Variants in MTHFD1L observed in about 807,000 individuals in gnomAD.
MTHFD1L encodes the protein monofunctional C1-tetrahydrofolate synthase, mitochondrial.
A neutral mutation model predicts 119.5 loss-of-function variants in MTHFD1L; 81 were observed. The observed-to-expected ratio is 0.68, with a 90% CI of 0.57 to 0.82. The LOEUF is 0.82. Among genes scored for constraint, MTHFD1L ranks in the 40% least tolerant of loss-of-function variants. The probability of loss-of-function intolerance (pLI) is 0.00; values close to 1 mark genes in which losing one functional copy is unlikely to be tolerated. For synonymous variants in MTHFD1L, 430 were observed against 475.2 expected, an observed-to-expected ratio of 0.90 and a Z score of 1.24; for missense variants, 1,125 against 1,253.4, an observed-to-expected ratio of 0.90 and a Z score of 1.55.
intron 20 of MTHFD1L, among the ~76,000 whole-genome samples, chr6:150,990,608 C>G (rs999452479): frequency 2.7e-5 from 4 of 150,778 alleles, no homozygotes; most frequent in Non-Finnish European, 1.5e-5. Context: ...TACAGGCATG[C>G]GCCACCATGC....
intron 24 of MTHFD1L, among the ~76,000 whole-genome samples, chr6:151,021,140 C>G (rs954200361): frequency 6.6e-6 from 1 of 152,206 alleles, no homozygotes; most frequent in African/African-American, 2.4e-5. Context: ...TGACTAATCT[C>G]TCGAGCCTCA....
intron 20 of MTHFD1L, among the ~76,000 whole-genome samples, chr6:150,980,626 C>T (rs1777330821): frequency 6.7e-6 from 1 of 149,922 alleles, no homozygotes; most frequent in African/African-American, 2.5e-5. Flanking sequence ...GCCTATAGTC[C>T]TAGCTACTTG....
intron 26 of MTHFD1L, among the ~76,000 whole-genome samples, chr6:151,075,174 A>T (rs1215668486): frequency 2.0e-5 from 3 of 152,232 alleles, no homozygotes; most frequent in Non-Finnish European, 4.4e-5. Context: ...CACACTAGAT[A>T]TAAATGTCCT....
chr6:151,029,135 T>C (rs1037596549), intron 24 of MTHFD1L, among the ~76,000 whole-genome samples: 2 of 150,580 alleles, frequency 1.3e-5, no homozygotes, highest in Non-Finnish European at 3.0e-5. Context: ...AAATATATAT[T>C]TTAGGCCAGA....
At chr6:150,966,086 T>G (rs4869702) in intron 19 of MTHFD1L, among the ~76,000 whole-genome samples, 3,771 of 152,218 alleles carry the variant, frequency 0.025, 197 homozygotes, top group Admixed American at 0.14. Flanking sequence ...GGCAGCAAGG[T>G]GTTTTGCAAT....
intron 15 of MTHFD1L, among the ~76,000 whole-genome samples, chr6:150,947,753 G>A (rs1583725317): frequency 1.3e-5 from 2 of 152,208 alleles, no homozygotes; most frequent in East Asian, 3.9e-4. Context: ...TGTCTCTTCT[G>A]AGCAGCGTAC....
At chr6:150,936,980 T>C (rs1792171519) in intron 12 of MTHFD1L, 40 bp downstream of exon 12, 1 of 1,602,512 alleles carries the variant, frequency 6.2e-7, no homozygotes, top group Non-Finnish European at 8.5e-7. Flanking sequence ...CAGGGCAAAG[T>C]TGGGGGGAGA....
chr6:151,080,705 GT>G (rs1337423018), intron 26 of MTHFD1L, among the ~76,000 whole-genome samples: 16 of 152,308 alleles, frequency 1.1e-4, no homozygotes, highest in African/African-American at 3.8e-4. Flanking sequence ...TTTTCTCACA[GT>G]TCTGGAGGCG....
chr6:150,989,041 A>G (rs776228403), intron 20 of MTHFD1L, among the ~76,000 whole-genome samples: 12 of 152,318 alleles, frequency 7.9e-5, no homozygotes, highest in Non-Finnish European at 1.5e-4. Context: ...CGCCTGGCCT[A>G]TTAGGGATCT....
chr6:150,924,670 A>T (rs577433298), intron 10 of MTHFD1L, among the ~76,000 whole-genome samples: 2 of 150,170 alleles, frequency 1.3e-5, no homozygotes, highest in Admixed American at 6.7e-5. Context: ...TAGAGACGGG[A>T]TTTTGCTATG....
intron 4 of MTHFD1L, 66 bp from the exon 5 acceptor site, chr6:150,882,696 G>A (rs1562309171): frequency 1.7e-6 from 2 of 1,187,000 alleles, no homozygotes; most frequent in Non-Finnish European, 1.1e-6. Context: ...TTTATATAAA[G>A]CTTCCTTTGT....
intron 26 of MTHFD1L, among the ~76,000 whole-genome samples, chr6:151,080,041 G>T (rs1200940520): frequency 6.6e-6 from 1 of 151,778 alleles, no homozygotes; most frequent in Non-Finnish European, 1.5e-5. Flanking sequence ...GCTGGGCGTG[G>T]TAGTGCACAT....
At chr6:151,092,158 C>T (rs1794509479) in intron 26 of MTHFD1L, among the ~76,000 whole-genome samples, 1 of 152,082 alleles carries the variant, frequency 6.6e-6, no homozygotes, top group Admixed American at 6.5e-5. Context: ...TGTTGGCGTT[C>T]AGCATGAAGA....
chr6:150,968,068 C>A (rs1407317839), intron 19 of MTHFD1L, among the ~76,000 whole-genome samples: 3 of 152,066 alleles, frequency 2.0e-5, no homozygotes, highest in Admixed American at 6.6e-5. Flanking sequence ...ATGTCCAGCT[C>A]CTTCGCCTCC....
chr6:151,049,482 A>T (rs1461348156), intron 26 of MTHFD1L, among the ~76,000 whole-genome samples: 1 of 125,554 alleles, frequency 8.0e-6, no homozygotes, highest in East Asian at 2.4e-4. Flanking sequence ...AGACAGCGAG[A>T]CTCCGTCTCA....
intron 26 of MTHFD1L, among the ~76,000 whole-genome samples, chr6:151,054,338 A>G (rs1305571877): frequency 6.6e-6 from 1 of 152,200 alleles, no homozygotes; most frequent in Admixed American, 6.5e-5. Context: ...TGGACAGTAA[A>G]TGGTTAATGG....
At chr6:150,911,979 T>G (rs1296099230) in intron 8 of MTHFD1L, among the ~76,000 whole-genome samples, 1 of 152,058 alleles carries the variant, frequency 6.6e-6, no homozygotes, top group Non-Finnish European at 1.5e-5. Flanking sequence ...AAGATGAGAT[T>G]TGGGTGGGGA....
At chr6:150,935,014 C>G in intron 11 of MTHFD1L, 2 of 1,609,810 alleles carry the variant, frequency 1.2e-6, no homozygotes, top group Non-Finnish European at 1.7e-6. Context: ...TCCAACCTGC[C>G]TTCATTCAGT....
intron 20 of MTHFD1L, among the ~76,000 whole-genome samples, chr6:150,975,969 G>A (rs1331860829): frequency 6.6e-6 from 1 of 152,150 alleles, no homozygotes; most frequent in Non-Finnish European, 1.5e-5. Context: ...ACGCCAAGGC[G>A]GGTGGATCAC....
Sources: gnomAD v4.1 joint callset for allele counts (sites outside exome capture counted in the v4.1 genomes callset) on GRCh38, gnomAD v4.1.1 for gene constraint, MANE v1.5 for transcripts, NCBI Gene and HGNC (gene_info 2026-07-23, HGNC 2026-07-21) for gene names.